Variants in EP400 observed in about 807,000 individuals in gnomAD.
EP400 encodes the protein E1A binding protein p400, also known as E1A-binding protein p400.
Under a neutral mutation model 354.1 loss-of-function variants are expected in EP400, and 105 were observed. That is an observed-to-expected ratio of 0.30 (90% confidence interval 0.25 to 0.35). EP400 has a LOEUF of 0.35. Ranked by LOEUF, EP400 falls within the 10% of genes least tolerant of loss-of-function variation. The pLI is 1.00. For synonymous variants in EP400, 1,646 were observed against 1,716.9 expected, an observed-to-expected ratio of 0.96 and a Z score of 1.02; for missense variants, 3,280 against 4,121.0, an observed-to-expected ratio of 0.80 and a Z score of 5.59.
intron 30 of EP400, among the ~76,000 whole-genome samples, chr12:132,032,631 T>C (rs1894556176): frequency 2.0e-5 from 3 of 151,392 alleles, no homozygotes. Flanking sequence ...AGTTTTTTTT[T>C]TTTTTTTTCT....
At chr12:132,034,769 A>T (rs1314051700) in intron 30 of EP400, among the ~76,000 whole-genome samples, 1 of 152,208 alleles carries the variant, frequency 6.6e-6, no homozygotes, top group Non-Finnish European at 1.5e-5. Flanking sequence ...CCCACGCCTG[A>T]CCATGGCGGA....
At chr12:132,031,432 T>C in intron 29 of EP400, 1 of 512,644 alleles carries the variant, frequency 2.0e-6, no homozygotes, top group South Asian at 1.4e-5. Flanking sequence ...TGCATGAGGG[T>C]GTTGGCGATG....
At chr12:132,014,929 T>C (rs755490839) in intron 19 of EP400, among the ~76,000 whole-genome samples, 2 of 152,210 alleles carry the variant, frequency 1.3e-5, no homozygotes, top group Admixed American at 6.5e-5. Flanking sequence ...CCCCCCGTCC[T>C]GGGTCTCCCT....
Position 132,005,130 on chromosome 12 carries a change from A to G in EP400, c.2881A>G (p.Ser961Gly). 1 of 1,590,552 alleles carries G rather than the reference A, an allele frequency of 6.3e-7. No homozygotes were observed. Among genetic ancestry groups the G allele is most frequent in the Non-Finnish European group, 8.6e-7 (1 of 1,168,732 alleles). ...GCTGTACGAAGGCGCCTTCCTGCCG[A>G]GTTCTCAGTGGCCCCGGCCGAAGCC... ...MKLYEGAFLPSSQWPRPKPDG... is the reference protein window; with the variant it reads ...MKLYEGAFLPGSQWPRPKPDG... The change falls in exon 13 of 53, where the codon AGT becomes GGT. Residue 961 changes from serine to glycine, a missense_variant. By Grantham distance (56) the Ser-to-Gly change is moderately conservative. Around this residue, in one of 20 missense-constraint regions of EP400, gnomAD observed 800 missense variants for 840.0 expected, o/e 0.95. Transcript: ENST00000389561.
chr12:132,031,987 T>G lies in EP400; in HGVS notation c.5789T>G (p.Ile1930Ser), dbSNP rs768929671. 1 of 1,613,198 alleles carries G rather than the reference T, an allele frequency of 6.2e-7. No homozygotes were observed. The highest frequency in any genetic ancestry group is 1.1e-5 in the South Asian group (1 of 90,990). ...LMRSFNRDRR[I>S]FCAILSTHSR... ...AGGAGTTTCAACAGAGACAGGCGGA[T>G]TTTTTGTGCCATTCTCTCCACTCAC... The change falls in exon 30 of 53, where the codon ATT becomes AGT. Residue 1930 changes from isoleucine to serine, a missense_variant. Coordinates refer to ENST00000389561, the MANE Select transcript of EP400 (RefSeq NM_015409.5).
intron 50 of EP400, 190 bp from the exon 51 acceptor site, chr12:132,069,305 G>T (rs1895998431): frequency 8.0e-6 from 6 of 749,954 alleles, no homozygotes; most frequent in Non-Finnish European, 1.2e-5. Flanking sequence ...TGCCGCATGG[G>T]CAGAGGTAGG....
chr12:132,045,349 G>A lies in EP400; in HGVS notation c.6815G>A (p.Gly2272Glu). The A allele has an allele frequency of 6.2e-7, 1 of 1,614,222 alleles. No individual in the cohort carries two copies. Among genetic ancestry groups the A allele is most frequent in the Non-Finnish European group, 8.5e-7 (1 of 1,180,044 alleles). Residue 2272 changes from glycine to glutamate, a missense_variant, in exon 38 of 53, where the codon GGG becomes GAG. Physicochemically the swap from Gly to Glu is moderately conservative, Grantham distance 98. Transcript: ENST00000389561. ...AAGRKKKQRH[G>E]EAVVPPRSLF... ...GGCAGGAAGAAGAAGCAGCGTCACG[G>A]GGAGGCGGTCGTCCCTCCTCGGTCC...
rs187790347 is a variant in EP400, at chr12:131,972,432, C to T, written c.1336-7262C>T. On this transcript the variant is annotated intron_variant, in intron 2 of 52. Transcript: ENST00000389561. ...CCTCCCAAAGTGCTGGGATTACAGG[C>T]GTGAGCCACCGCACCTGGCCGAGTT... is the stretch of plus-strand genomic sequence containing the variant. Among the ~76,000 whole-genome samples the T allele has an allele frequency of 1.7e-3, 254 of 152,166 alleles. 2 individuals carry two copies. The highest frequency in any genetic ancestry group is 6.8e-3 in the Middle Eastern group (2 of 294).
intron 39 of EP400, 46 bp downstream of exon 39, chr12:132,045,946 T>C: frequency 6.3e-7 from 1 of 1,599,384 alleles, no homozygotes; most frequent in South Asian, 1.1e-5. Context: ...CAGGCAGGTG[T>C]GGTGGCCGTG....
chr12:131,999,527 C>T (rs1893336085), intron 12 of EP400, among the ~76,000 whole-genome samples: 1 of 152,142 alleles, frequency 6.6e-6, no homozygotes, highest in African/African-American at 2.4e-5. Context: ...CAACCTCCGC[C>T]TCCTGGGTTC....
chr12:132,064,553 A>G (rs1422127844), intron 47 of EP400, 115 bp from the exon 48 acceptor site: 2 of 1,372,054 alleles, frequency 1.5e-6, no homozygotes, highest in Non-Finnish European at 2.0e-6. Flanking sequence ...GCACGGTAGC[A>G]GGTGTCTGCT....
chr12:132,030,111 C>A lies in EP400; in HGVS notation c.5707C>A (p.Leu1903Ile), dbSNP rs753928326. ...ILEMFLNFHY[L>I]TYVRIDENAS... ...AGAGATGTTCTTGAACTTCCATTAC[C>A]TCACCTATGTAAGAATCGATGAAAA... Residue 1903 changes from leucine (L) to isoleucine (I), a missense_variant, in exon 29 of 53, where the codon CTC becomes ATC. Leu to Ile is a conservative substitution (Grantham distance 5, BLOSUM62 2). Transcript: ENST00000389561. 9 of 1,614,074 alleles carry A rather than the reference C, an allele frequency of 5.6e-6. No individual in the cohort carries two copies. Among genetic ancestry groups the A allele is most frequent in the Non-Finnish European group, 6.8e-6 (8 of 1,180,040 alleles).
At chr12:131,970,789 TA>T (rs1481824776) in intron 2 of EP400, among the ~76,000 whole-genome samples, 2 of 152,228 alleles carry the variant, frequency 1.3e-5, no homozygotes, top group African/African-American at 4.8e-5. Context: ...AGCGATTTGG[TA>T]TAAGGATAGT....
chr12:131,979,582 C>G, intron 2 of EP400, 112 bp from the exon 3 acceptor site: 1 of 828,524 alleles, frequency 1.2e-6, no homozygotes, highest in East Asian at 2.9e-5. Context: ...AGATAACATT[C>G]CTGTTATTAG....
At chr12:132,026,809 C>T (rs965427271) in intron 25 of EP400, among the ~76,000 whole-genome samples, 4 of 152,176 alleles carry the variant, frequency 2.6e-5, no homozygotes, top group Non-Finnish European at 4.4e-5. Context: ...TAAGGTGACT[C>T]TTACCCCTGG....
chr12:132,028,367 GTACATCT>G (rs1303703861), intron 27 of EP400, 79 bp downstream of exon 27: 2 of 1,547,442 alleles, frequency 1.3e-6, no homozygotes. Context: ...TCTCGTGGAT[GTACATCT>G]TACTCCCATC....
In EP400 at chr12:132,069,480, G is replaced by T. The variant is rs570865185; in HGVS notation, c.8875-15G>T. 6.2e-7 allele frequency: 1 copy of T among 1,611,826 alleles called. No homozygotes were observed. The highest frequency in any genetic ancestry group is 1.3e-5 in the African/African-American group (1 of 75,014). On this transcript the variant is annotated splice_polypyrimidine_tract_variant and intron_variant, in intron 50 of 52. Coordinates refer to ENST00000389561, the MANE Select transcript of EP400 (RefSeq NM_015409.5). Reference sequence around the variant, plus strand: ...GCATGGTCTCTGCGGCCCTAATTTCGCAGTCTCTCCCCAGATCACCGCACA... The same window carrying T: ...GCATGGTCTCTGCGGCCCTAATTTCTCAGTCTCTCCCCAGATCACCGCACA...
chr12:132,003,749 C>T (rs1281862653), intron 12 of EP400, among the ~76,000 whole-genome samples: 1 of 152,186 alleles, frequency 6.6e-6, no homozygotes, highest in Non-Finnish European at 1.5e-5. Context: ...CATGGACACA[C>T]CACCTGAATT....
chr12:131,972,450 G>A (rs932907690), intron 2 of EP400, among the ~76,000 whole-genome samples: 1 of 151,900 alleles, frequency 6.6e-6, no homozygotes, highest in Non-Finnish European at 1.5e-5. Flanking sequence ...ACCGCACCTG[G>A]CCGAGTTTTA....
Sources: gnomAD v4.1 joint callset for allele counts (sites outside exome capture counted in the v4.1 genomes callset) on GRCh38, gnomAD v4.1.1 for gene constraint, gnomAD v4.1.1 regional missense constraint, MANE v1.5 for transcripts, NCBI Gene and HGNC (gene_info 2026-07-23, HGNC 2026-07-21) for gene names.